BABAM2: variants seen among roughly 807,000 people sequenced by gnomAD.
BABAM2 encodes BRISC and BRCA1-A complex member 2.
In BABAM2, 31 loss-of-function variants were observed where a neutral mutation model predicts 54.7. The observed-to-expected ratio is 0.57, with a 90% CI of 0.43 to 0.77. The LOEUF (loss-of-function observed/expected upper bound fraction) is 0.77. Ranked by LOEUF, BABAM2 falls within the 30% of genes least tolerant of loss-of-function variation. The pLI is 0.00. For missense variants in BABAM2, 364 were observed against 455.8 expected, an observed-to-expected ratio of 0.80 and a Z score of 1.83; for synonymous variants, 167 against 162.9, an observed-to-expected ratio of 1.03 and a Z score of -0.19.
intron 6 of BABAM2, among the ~76,000 whole-genome samples, chr2:28,126,175 G>A (rs187372867): frequency 1.3e-4 from 19 of 150,940 alleles, no homozygotes; most frequent in Admixed American, 1.1e-3. Context: ...TAAGTTTTAG[G>A]GTACATGTGC....
At chr2:28,315,452 T>C (rs1689462992) in intron 11 of BABAM2, among the ~76,000 whole-genome samples, 1 of 141,650 alleles carries the variant, frequency 7.1e-6, no homozygotes, top group Non-Finnish European at 1.5e-5. Flanking sequence ...TTTTCTTTTC[T>C]TTTCTTTTCT....
At chr2:28,286,109 C>T (rs1686782693) in intron 10 of BABAM2, among the ~76,000 whole-genome samples, 1 of 151,996 alleles carries the variant, frequency 6.6e-6, no homozygotes, top group African/African-American at 2.4e-5. Flanking sequence ...GCAGGCACCA[C>T]CACGCCCAGC....
upstream of BABAM2, chr2:27,889,977 A>T: frequency 2.9e-6 from 1 of 339,232 alleles, no homozygotes; most frequent in Non-Finnish European, 5.4e-6. Flanking sequence ...TTGGGGGCGC[A>T]AGTCTTTGGA....
intron 6 of BABAM2, among the ~76,000 whole-genome samples, chr2:28,087,690 C>A (rs1665783040): frequency 6.6e-6 from 1 of 151,856 alleles, no homozygotes. Context: ...GCTCTGTCGC[C>A]CAGGTTGGAG....
intron 10 of BABAM2, among the ~76,000 whole-genome samples, chr2:28,272,155 G>A (rs1685476923): frequency 6.6e-6 from 1 of 152,176 alleles, no homozygotes; most frequent in Non-Finnish European, 1.5e-5. Context: ...CTGGGATTTA[G>A]ACCAGCTTAC....
intron 7 of BABAM2, among the ~76,000 whole-genome samples, chr2:28,197,663 C>G (rs1677755985): frequency 6.6e-6 from 1 of 152,158 alleles, no homozygotes; most frequent in Non-Finnish European, 1.5e-5. Context: ...AACAAAGCCC[C>G]ATTCCATGTC....
chr2:28,272,620 C>T (rs1345316067), intron 10 of BABAM2, among the ~76,000 whole-genome samples: 1 of 152,186 alleles, frequency 6.6e-6, no homozygotes, highest in African/African-American at 2.4e-5. Context: ...AGAACTTTTT[C>T]AGTTTGACTG....
chr2:28,134,677 C>T (rs1210893453), intron 7 of BABAM2: 1 of 152,172 alleles, frequency 6.6e-6, no homozygotes, highest in Non-Finnish European at 1.5e-5. Context: ...CTTCCCAGCC[C>T]ACGAACGCTC....
chr2:28,086,969 AT>A (rs1466319390), intron 6 of BABAM2, among the ~76,000 whole-genome samples: 4 of 152,154 alleles, frequency 2.6e-5, no homozygotes, highest in Non-Finnish European at 4.4e-5. Flanking sequence ...CTCCTAATCT[AT>A]TTTTGTTCCG....
intron 10 of BABAM2, among the ~76,000 whole-genome samples, chr2:28,291,944 A>G (rs1421484883): frequency 6.6e-6 from 1 of 152,250 alleles, no homozygotes; most frequent in Admixed American, 6.5e-5. Context: ...GGGAATGAAA[A>G]GTATACAGAT....
chr2:28,196,720 G>T (rs1251020325), intron 7 of BABAM2, among the ~76,000 whole-genome samples: 1 of 151,566 alleles, frequency 6.6e-6, no homozygotes, highest in Non-Finnish European at 1.5e-5. Context: ...ATGATGGCTT[G>T]TGCCTGTAGT....
At chr2:28,274,476 A>G (rs1428369575) in intron 10 of BABAM2, among the ~76,000 whole-genome samples, 1 of 152,204 alleles carries the variant, frequency 6.6e-6, no homozygotes, top group Non-Finnish European at 1.5e-5. Context: ...TGTCAGGACC[A>G]GAATGCAGTG....
chr2:27,912,528 T>G (rs1257031107), intron 2 of BABAM2, among the ~76,000 whole-genome samples: 1 of 152,168 alleles, frequency 6.6e-6, no homozygotes, highest in African/African-American at 2.4e-5. Flanking sequence ...CAGAAAAGGA[T>G]TCTGAGAACC....
chr2:28,141,968 G>A (rs1472840770), intron 7 of BABAM2, among the ~76,000 whole-genome samples: 1 of 152,086 alleles, frequency 6.6e-6, no homozygotes. Flanking sequence ...CTAAAGTAAT[G>A]GTATGGTTCT....
At chr2:27,921,811 T>G (rs1321302888) in intron 2 of BABAM2, among the ~76,000 whole-genome samples, 13 of 152,234 alleles carry the variant, frequency 8.5e-5, no homozygotes, top group Non-Finnish European at 1.8e-4. Context: ...CTGAGTTGTG[T>G]GTACAGTTCT....
rs143665694 is a variant in BABAM2, at chr2:28,287,981, G to A, written c.935-10357G>A. Among the ~76,000 whole-genome samples the A allele has an allele frequency of 4.5e-3, 684 of 152,222 alleles. 5 individuals carry two copies. Among genetic ancestry groups the A allele is most frequent in the Non-Finnish European group, 7.8e-3 (528 of 67,984 alleles). Reference sequence around the variant, plus strand: ...ACAGAGAAGCACTTGGGACAGGAGGGGTTCCTACTTTGGGGACCCCTTCAT... The same window carrying A: ...ACAGAGAAGCACTTGGGACAGGAGGAGTTCCTACTTTGGGGACCCCTTCAT... On this transcript the variant is annotated intron_variant, in intron 10 of 11. Coordinates refer to ENST00000379624, the MANE Select transcript of BABAM2 (RefSeq NM_199191.3).
At chr2:27,958,357 T>A (rs1351639658) in intron 3 of BABAM2, among the ~76,000 whole-genome samples, 2 of 151,542 alleles carry the variant, frequency 1.3e-5, no homozygotes, top group African/African-American at 4.9e-5. Flanking sequence ...ACAAAAGGAT[T>A]AGGAAAGAAA....
chr2:27,995,319 A>G lies in BABAM2; in HGVS notation c.300+7232A>G, dbSNP rs1413914361. Among the ~76,000 whole-genome samples the G allele has an allele frequency of 6.6e-6, 1 of 152,104 alleles. No homozygotes were observed. On this transcript the variant is annotated intron_variant, in intron 4 of 11. Transcript: ENST00000379624. The surrounding 1 kb of genome is among the most constrained non-coding windows in gnomAD (Gnocchi z 4.1). ...ACCGTGGGAGCAAGGAGGAAAGTAC[A>G]CAGAACCAGGATAAGAAGCTCCTCC... is the stretch of plus-strand genomic sequence containing the variant.
chr2:27,921,509 TGTA>T (rs557533773), intron 2 of BABAM2, among the ~76,000 whole-genome samples: 101 of 152,266 alleles, frequency 6.6e-4, no homozygotes, highest in African/African-American at 2.4e-3. Context: ...GATGGTTTAA[TGTA>T]GTAATTAAGA....
Sources: gnomAD v4.1 joint callset for allele counts (sites outside exome capture counted in the v4.1 genomes callset) on GRCh38, gnomAD v4.1.1 for gene constraint, Gnocchi (gnomAD v3.1) non-coding constraint, MANE v1.5 for transcripts, NCBI Gene and HGNC (gene_info 2026-07-23, HGNC 2026-07-21) for gene names.